PTCH1: variants seen among roughly 807,000 people sequenced by gnomAD.
PTCH1 encodes the protein protein patched homolog 1.
Under a neutral mutation model 144.6 loss-of-function variants are expected in PTCH1, and 14 were observed. The observed-to-expected ratio is 0.10, with a 90% CI of 0.06 to 0.15. PTCH1 has a LOEUF of 0.15. PTCH1 is among the 10% of genes least tolerant of loss of function. PTCH1 has a pLI of 1.00. For synonymous variants in PTCH1, 833 were observed against 793.6 expected (o/e 1.05, Z -0.83); for missense variants, 1,623 against 1,948.3 (o/e 0.83, Z 3.14).
At chr9:95,500,525 C>T (rs1001842633) in intron 2 of PTCH1, among the ~76,000 whole-genome samples, 1 of 152,132 alleles carries the variant, frequency 6.6e-6, no homozygotes, top group African/African-American at 2.4e-5. Flanking sequence ...TCTTCCTGTC[C>T]CTTGTGAAAT....
chr9:95,481,109 T>G (rs1017471383), intron 5 of PTCH1, among the ~76,000 whole-genome samples: 1 of 152,194 alleles, frequency 6.6e-6, no homozygotes, highest in Non-Finnish European at 1.5e-5. Flanking sequence ...TCACAGCCAC[T>G]TCCCCCCACA....
At chr9:95,486,861 C>A (rs1001361602) in intron 2 of PTCH1, among the ~76,000 whole-genome samples, 28 of 152,188 alleles carry the variant, frequency 1.8e-4, no homozygotes, top group African/African-American at 6.3e-4. Flanking sequence ...AGTTACAGAC[C>A]CAGGAACCTA....
At position 95,449,267 on chromosome 9, in the gene PTCH1, G is replaced by T. The variant is rs138240178; in HGVS notation, c.3606C>A (p.Pro1202=). Residue 1202 remains proline, a synonymous_variant, in exon 22 of 24, where the codon CCC becomes CCA. Coordinates refer to ENST00000331920, the MANE Select transcript of PTCH1 (RefSeq NM_000264.5). This position sits in a 1 kb window ranked among gnomAD's most constrained non-coding sequence, Gnocchi z 5.3. ...GCGGCATGGCGAAGCGGACCACGCT[G>T]GGGGGTGGCTCAGGGGAGGGTGTGG... The part of the protein sequence containing the change: ...RLPTPSPEPP[P]SVVRFAMPPG... The T allele has an allele frequency of 1.3e-6, 2 of 1,564,338 alleles. No homozygotes were observed. The highest frequency in any genetic ancestry group is 1.7e-6 in the Non-Finnish European group (2 of 1,154,420).
chr9:95,447,555 C>T, intron 22 of PTCH1, 104 bp from the exon 23 acceptor site: 4 of 1,277,366 alleles, frequency 3.1e-6, no homozygotes, highest in Non-Finnish European at 4.3e-6. Context: ...ACTCAGTCAA[C>T]CCTGGGGAGC....
At chr9:95,494,725 A>G (rs557255076) in intron 2 of PTCH1, among the ~76,000 whole-genome samples, 101 of 152,318 alleles carry the variant, frequency 6.6e-4, no homozygotes, top group African/African-American at 2.3e-3. Context: ...GAACCAACAC[A>G]GCGTGTTTTC....
intron 1 of PTCH1, 55 bp from the exon 2 acceptor site, chr9:95,506,654 C>CCCCGCCCGCTTGCGCG: frequency 7.4e-7 from 1 of 1,345,188 alleles, no homozygotes; most frequent in Non-Finnish European, 1.0e-6. Context: ...GCCCGCGCGC[C>CCCCGCCCGCTTGCGCG]CACGCCCGCT....
chr9:95,505,238 G>A (rs1843476116), intron 2 of PTCH1, among the ~76,000 whole-genome samples: 1 of 152,168 alleles, frequency 6.6e-6, no homozygotes, highest in Non-Finnish European at 1.5e-5. Context: ...GATCACTGAA[G>A]CGATTATGCG....
intron 2 of PTCH1, among the ~76,000 whole-genome samples, chr9:95,505,678 T>C (rs1843522029): frequency 1.3e-5 from 2 of 150,696 alleles, no homozygotes; most frequent in African/African-American, 2.4e-5. Flanking sequence ...AATAATTCCA[T>C]GTAAAAAGCC....
chr9:95,473,701 C>A (rs542526153), intron 12 of PTCH1, among the ~76,000 whole-genome samples: 17 of 151,710 alleles, frequency 1.1e-4, no homozygotes, highest in African/African-American at 4.1e-4. Flanking sequence ...TGAGCCACCG[C>A]GCCCGGCAAA....
chr9:95,453,330 C>T, intron 20 of PTCH1, 148 bp downstream of exon 20: 1 of 1,180,510 alleles, frequency 8.5e-7, no homozygotes, highest in Non-Finnish European at 1.2e-6. Context: ...TGAGTTTCAC[C>T]ATCTTGGCCA....
chr9:95,510,280 G>C (rs561727873), upstream of PTCH1, among the ~76,000 whole-genome samples: 7 of 151,844 alleles, frequency 4.6e-5, no homozygotes, highest in African/African-American at 1.7e-4. Flanking sequence ...TACAAAACTC[G>C]GTATGCATGT....
chr9:95,507,503 A>G (rs1843779182), intron 1 of PTCH1: 10 of 945,012 alleles, frequency 1.1e-5, no homozygotes, highest in African/African-American at 1.8e-5. Context: ...TAAGGTGGCA[A>G]TTTGTTTACA....
At chr9:95,447,810 T>G (rs1371370794) in intron 22 of PTCH1, among the ~76,000 whole-genome samples, 3 of 152,148 alleles carry the variant, frequency 2.0e-5, no homozygotes, top group Non-Finnish European at 4.4e-5. Flanking sequence ...CCGAAGTTGC[T>G]AAGTGTGCGG....
exon 1 of PTCH1, chr9:95,516,522 T>C: frequency 6.5e-7 from 1 of 1,540,602 alleles, no homozygotes; most frequent in East Asian, 2.4e-5. Flanking sequence ...GCGCGGACGC[T>C]GGGCTTGGAT....
chr9:95,479,655 T>C (rs1408121789), intron 7 of PTCH1, among the ~76,000 whole-genome samples: 1 of 152,176 alleles, frequency 6.6e-6, no homozygotes, highest in Non-Finnish European at 1.5e-5. Context: ...CAACTCTCTC[T>C]GACCAGTGTG....
At position 95,476,578 on chromosome 9, in the gene PTCH1, T is replaced by C. The variant is rs2277183; in HGVS notation, c.1602+181A>G. Among the ~76,000 whole-genome samples the C allele has an allele frequency of 0.02, 3,031 of 152,136 alleles. 91 individuals are homozygous for C. The highest frequency in any genetic ancestry group is 0.13 in the East Asian group (679 of 5,158). The stretch of plus-strand genomic sequence containing the variant: ...GAGATGCAGCTCTTGGGACTTCTCA[T>C]AGCAAATACATGTCCTGAGAGTCTT... On this transcript the variant is annotated intron_variant, in intron 11 of 23. Transcript: ENST00000331920. This position sits in a 1 kb window ranked among gnomAD's most constrained non-coding sequence, Gnocchi z 4.6.
At chr9:95,500,639 C>A (rs909080256) in intron 2 of PTCH1, among the ~76,000 whole-genome samples, 1 of 152,234 alleles carries the variant, frequency 6.6e-6, no homozygotes, top group East Asian at 1.9e-4. Context: ...TGGTCCCTTG[C>A]TGTCCCTTGG....
At chr9:95,477,915 C>G in intron 9 of PTCH1, 140 bp downstream of exon 9, 1 of 1,508,160 alleles carries the variant, frequency 6.6e-7, no homozygotes, top group South Asian at 1.2e-5. Context: ...ACTTTTAAAC[C>G]ACTGTGAAGC....
intron 12 of PTCH1, among the ~76,000 whole-genome samples, chr9:95,471,183 A>C (rs771896920): frequency 3.3e-5 from 5 of 152,218 alleles, no homozygotes; most frequent in Non-Finnish European, 5.9e-5. Flanking sequence ...TCCTAGGGTG[A>C]GGAAAGAAAA....
Sources: allele counts gnomAD v4.1 joint callset (sites outside exome capture counted in the v4.1 genomes callset), GRCh38; gene constraint gnomAD v4.1.1; non-coding constraint Gnocchi (gnomAD v3.1); transcripts MANE v1.5; gene names NCBI Gene and HGNC (gene_info 2026-07-23, HGNC 2026-07-21).